RAB31: variants seen among roughly 807,000 people sequenced by gnomAD.
RAB31 encodes the protein RAB31, member RAS oncogene family.
RAB31 carries 21 observed loss-of-function variants against 25.6 expected under a neutral mutation model. The ratio of observed to expected loss-of-function variants is 0.82; its 90% CI spans 0.58 to 1.18. The LOEUF is 1.18. Ranked by LOEUF, RAB31 falls within the 50% of genes most tolerant of loss-of-function variation. The pLI is 0.00. For missense variants in RAB31, 196 were observed against 250.1 expected (o/e 0.78, Z 1.46); for synonymous variants, 87 against 84.0 (o/e 1.04, Z -0.20).
chr18:9,748,839 C>T (rs1464718102), intron 1 of RAB31, among the ~76,000 whole-genome samples: 2 of 151,338 alleles, frequency 1.3e-5, no homozygotes, highest in African/African-American at 2.4e-5. Context: ...TGCAGTGAGC[C>T]GAGATTGCAC....
chr18:9,857,414 G>T (rs1486820359), intron 6 of RAB31, among the ~76,000 whole-genome samples: 1 of 152,060 alleles, frequency 6.6e-6, no homozygotes, highest in Non-Finnish European at 1.5e-5. Context: ...CCAGCGCATA[G>T]TCAGTATTCC....
intron 1 of RAB31, among the ~76,000 whole-genome samples, chr18:9,747,546 G>C (rs528474400): frequency 1.3e-5 from 2 of 152,120 alleles, no homozygotes; most frequent in Admixed American, 6.5e-5. Flanking sequence ...ATAAACTACC[G>C]ACACATGGTA....
At chr18:9,831,062 C>T (rs1311459671) in intron 5 of RAB31, among the ~76,000 whole-genome samples, 1 of 152,232 alleles carries the variant, frequency 6.6e-6, no homozygotes, top group Admixed American at 6.5e-5. Flanking sequence ...TAAATCAACA[C>T]TGCACTAACT....
chr18:9,857,667 AGATAGATAGATAGATAGAT>A (rs1568198061), intron 6 of RAB31, among the ~76,000 whole-genome samples: 1 of 125,848 alleles, frequency 7.9e-6, no homozygotes, highest in Non-Finnish European at 1.9e-5. Context: ...ATAGATAGAT[AGATAGATAGATAGATAGAT>A]GATAGATAGA....
intron 1 of RAB31, among the ~76,000 whole-genome samples, chr18:9,773,117 G>T (rs1223111987): frequency 6.6e-6 from 1 of 152,166 alleles, no homozygotes; most frequent in Non-Finnish European, 1.5e-5. Context: ...AGTGCAGGCT[G>T]CTCTCCTTGG....
chr18:9,737,434 G>A (rs746821072), intron 1 of RAB31, among the ~76,000 whole-genome samples: 51 of 152,094 alleles, frequency 3.4e-4, no homozygotes, highest in Non-Finnish European at 4.9e-4. Context: ...AGGCTGAGTC[G>A]GTGGTATAAT....
intron 1 of RAB31, among the ~76,000 whole-genome samples, chr18:9,711,539 A>G (rs2068017344): frequency 6.6e-6 from 1 of 152,148 alleles, no homozygotes; most frequent in African/African-American, 2.4e-5. Flanking sequence ...AGCCCAGCTA[A>G]TACTTTTTAT....
intron 3 of RAB31, among the ~76,000 whole-genome samples, chr18:9,811,788 A>C (rs1389273947): frequency 6.6e-6 from 1 of 152,244 alleles, no homozygotes; most frequent in Non-Finnish European, 1.5e-5. Context: ...GATAAATTAT[A>C]TGCTATATGT....
chr18:9,760,006 T>C (rs938538796), intron 1 of RAB31, among the ~76,000 whole-genome samples: 90 of 152,264 alleles, frequency 5.9e-4, no homozygotes, highest in African/African-American at 2.1e-3. Flanking sequence ...TCCCTGTTTC[T>C]TGCCTTGCGT....
intron 3 of RAB31, among the ~76,000 whole-genome samples, chr18:9,811,906 A>T (rs571937338): frequency 2.0e-4 from 30 of 152,380 alleles, no homozygotes; most frequent in African/African-American, 7.0e-4. Flanking sequence ...ACATATATGT[A>T]TTAATCTGTG....
rs1372329437 is a variant in RAB31 at position 9,860,155 on chromosome 18, G to T, written c.*830G>T. ...AATACATTCGTCCTCTCTTAGAGAA[G>T]TTTAACGCACATAGTATTATTTTAC... On this transcript the variant is annotated 3_prime_UTR_variant, in exon 7 of 7. Coordinates refer to ENST00000578921, the MANE Select transcript of RAB31 (RefSeq NM_006868.4). 9 of 152,324 alleles carry T rather than the reference G, an allele frequency of 5.9e-5. No homozygotes were observed. Among genetic ancestry groups the T allele is most frequent in the Middle Eastern group, 3.4e-3 (1 of 294 alleles). The allele number at this position is 152,324 out of a possible 1,614,324, so 9.4% of individuals were successfully genotyped here.
At chr18:9,822,626 A>T (rs1026900270) in intron 5 of RAB31, among the ~76,000 whole-genome samples, 4 of 152,218 alleles carry the variant, frequency 2.6e-5, no homozygotes, top group African/African-American at 9.6e-5. Flanking sequence ...TACATGAAAA[A>T]ATTTGAAAAT....
At chr18:9,746,315 C>T (rs2068205464) in intron 1 of RAB31, among the ~76,000 whole-genome samples, 1 of 152,172 alleles carries the variant, frequency 6.6e-6, no homozygotes, top group South Asian at 2.1e-4. Context: ...GATTGGAAGA[C>T]TTCTTATGGG....
chr18:9,837,084 G>T (rs370132568), intron 5 of RAB31, among the ~76,000 whole-genome samples: 18 of 136,134 alleles, frequency 1.3e-4, no homozygotes, highest in Admixed American at 1.0e-3. Context: ...AAGAGAGTCA[G>T]TGTGAGGAAT....
chr18:9,823,701 A>C (rs2068635012), intron 5 of RAB31, among the ~76,000 whole-genome samples: 1 of 152,246 alleles, frequency 6.6e-6, no homozygotes, highest in African/African-American at 2.4e-5. Flanking sequence ...TACACATGGC[A>C]AAAATTACAA....
chr18:9,715,145 G>A (rs542240270), intron 1 of RAB31, among the ~76,000 whole-genome samples: 1 of 152,282 alleles, frequency 6.6e-6, no homozygotes, highest in Admixed American at 6.5e-5. Context: ...GGTGTTGCAT[G>A]TATAGTGGGA....
chr18:9,819,281 C>T (rs1429051725), intron 5 of RAB31, among the ~76,000 whole-genome samples: 1 of 152,078 alleles, frequency 6.6e-6, no homozygotes, highest in Non-Finnish European at 1.5e-5. Context: ...TCATCTTTTG[C>T]CATGTGGATA....
At chr18:9,856,577 A>G (rs1329141626) in intron 6 of RAB31, among the ~76,000 whole-genome samples, 2 of 152,380 alleles carry the variant, frequency 1.3e-5, no homozygotes, top group East Asian at 3.9e-4. Context: ...GGATTAGCAT[A>G]AGGACAGCAC....
intron 6 of RAB31, among the ~76,000 whole-genome samples, chr18:9,850,867 AAAATAAAT>A (rs10569954): frequency 5.3e-5 from 8 of 150,340 alleles, no homozygotes; most frequent in Admixed American, 2.0e-4. Context: ...TCCTATCTCT[AAAATAAAT>A]AAATAAATAA....
Sources: allele counts gnomAD v4.1 joint callset (sites outside exome capture counted in the v4.1 genomes callset), GRCh38; gene constraint gnomAD v4.1.1; transcripts MANE v1.5; gene names NCBI Gene and HGNC (gene_info 2026-07-23, HGNC 2026-07-21).